Variants in PTPN21 observed in about 807,000 individuals in gnomAD.
The protein encoded by PTPN21 is tyrosine-protein phosphatase non-receptor type 21.
PTPN21 carries 77 observed loss-of-function variants against 131.8 expected under a neutral mutation model. The observed-to-expected ratio is 0.58, with a 90% CI of 0.49 to 0.71. The LOEUF (loss-of-function observed/expected upper bound fraction) is 0.71. Ranked by LOEUF, PTPN21 falls within the 30% of genes least tolerant of loss-of-function variation. The probability of loss-of-function intolerance (pLI) is 0.00; values close to 1 mark genes in which losing one functional copy is unlikely to be tolerated. For missense variants in PTPN21, 1,552 were observed against 1,527.1 expected, an observed-to-expected ratio of 1.02 and a Z score of -0.27; for synonymous variants, 715 against 621.3, an observed-to-expected ratio of 1.15 and a Z score of -2.24.
At chr14:88,487,658 A>C (rs2077758102) in intron 10 of PTPN21, among the ~76,000 whole-genome samples, 1 of 152,148 alleles carries the variant, frequency 6.6e-6, no homozygotes, top group South Asian at 2.1e-4. Context: ...TTAATGAAAA[A>C]TAAATGTCTC....
intron 13 of PTPN21, among the ~76,000 whole-genome samples, chr14:88,476,147 T>C (rs1221686236): frequency 6.6e-6 from 1 of 152,200 alleles, no homozygotes; most frequent in Admixed American, 6.5e-5. Context: ...CTACAGTTTA[T>C]TTCACTGTTT....
chr14:88,522,871 A>G (rs1047782488), intron 2 of PTPN21, among the ~76,000 whole-genome samples: 2 of 152,138 alleles, frequency 1.3e-5, no homozygotes, highest in Admixed American at 6.5e-5. Flanking sequence ...CTGTTTCTAA[A>G]ATAGGTAGGT....
intron 3 of PTPN21, among the ~76,000 whole-genome samples, chr14:88,514,312 T>C (rs1009567704): frequency 6.6e-6 from 1 of 152,156 alleles, no homozygotes; most frequent in Non-Finnish European, 1.5e-5. Context: ...ATTTAAATGG[T>C]TCTTTCATAT....
intron 6 of PTPN21, among the ~76,000 whole-genome samples, chr14:88,503,258 T>C (rs1446419210): frequency 2.6e-5 from 4 of 152,092 alleles, no homozygotes; most frequent in African/African-American, 9.7e-5. Flanking sequence ...ATGGTCTCGA[T>C]CTCCTGACCT....
At position 88,501,385 on chromosome 14, in the gene PTPN21, G is replaced by C. The variant is rs746858543; in HGVS notation, c.588-17C>G. 2.3e-5 allele frequency: 37 copies of C among 1,602,876 alleles called. No individual in the cohort carries two copies. The highest frequency in any genetic ancestry group is 1.3e-4 in the Admixed American group (8 of 59,836). On this transcript the variant is annotated splice_polypyrimidine_tract_variant and intron_variant, in intron 6 of 18. Coordinates refer to ENST00000556564, the MANE Select transcript of PTPN21 (RefSeq NM_007039.4). ...GTGAGCCCTCTGCAACCCAAAAGAA[G>C]CAAGATTGTTCACAAAGCAAGCTTA...
At chr14:88,506,745 T>C (rs2078096105) in intron 4 of PTPN21, among the ~76,000 whole-genome samples, 1 of 152,002 alleles carries the variant, frequency 6.6e-6, no homozygotes, top group East Asian at 1.9e-4. Context: ...CTAAAGAACT[T>C]ATTCATGTAA....
chr14:88,523,627 T>C (rs1306474996), intron 2 of PTPN21, among the ~76,000 whole-genome samples: 3 of 151,680 alleles, frequency 2.0e-5, no homozygotes, highest in African/African-American at 4.8e-5. Flanking sequence ...ATAAAAGACA[T>C]TTAAAGTGGA....
At chr14:88,473,272 A>C (rs1388180369) in intron 14 of PTPN21, among the ~76,000 whole-genome samples, 8 of 152,200 alleles carry the variant, frequency 5.3e-5, no homozygotes, top group Non-Finnish European at 1.0e-4. Context: ...GCACAAAGGA[A>C]GTTTTGAAAA....
At chr14:88,501,547 T>A (rs1014949977) in intron 6 of PTPN21, among the ~76,000 whole-genome samples, 179 bp from the exon 7 acceptor site, 1 of 152,214 alleles carries the variant, frequency 6.6e-6, no homozygotes, top group African/African-American at 2.4e-5. Context: ...ATGTGCTGAA[T>A]GCTGAGGGTA....
At chr14:88,506,239 C>T (rs2078085548) in intron 4 of PTPN21, among the ~76,000 whole-genome samples, 2 of 152,098 alleles carry the variant, frequency 1.3e-5, no homozygotes, top group South Asian at 4.2e-4. Flanking sequence ...ACTTGGGAGG[C>T]TCAGGTGGGA....
intron 6 of PTPN21, 138 bp from the exon 7 acceptor site, chr14:88,501,506 A>C: frequency 1.3e-6 from 1 of 741,084 alleles, no homozygotes; most frequent in African/African-American, 1.8e-5. Context: ...ATAATTGGCT[A>C]TATCAATCTT....
chr14:88,514,523 G>A (rs1184130359), intron 3 of PTPN21, among the ~76,000 whole-genome samples: 4 of 150,668 alleles, frequency 2.7e-5, no homozygotes, highest in South Asian at 4.2e-4. Context: ...GGAGTGCAGC[G>A]GTGCCATCTC....
intron 10 of PTPN21, among the ~76,000 whole-genome samples, chr14:88,488,323 C>T (rs2077767252): frequency 7.3e-6 from 1 of 136,678 alleles, no homozygotes; most frequent in South Asian, 2.5e-4. Flanking sequence ...GGCGCTCTTG[C>T]CGCAGCACCC....
At chr14:88,499,724 C>T (rs569265733) in intron 8 of PTPN21, among the ~76,000 whole-genome samples, 8 of 152,120 alleles carry the variant, frequency 5.3e-5, no homozygotes, top group African/African-American at 1.9e-4. Flanking sequence ...CACAAAGGAA[C>T]CAAAAAACAG....
At chr14:88,498,649 T>TTTTTGCTGCAGGTA (rs1449492697) in intron 8 of PTPN21, among the ~76,000 whole-genome samples, 6 of 152,114 alleles carry the variant, frequency 3.9e-5, no homozygotes, top group Admixed American at 6.5e-5. Context: ...AACAAGAACT[T>TTTTTGCTGCAGGTA]TTAAGTGCTG....
intron 8 of PTPN21, among the ~76,000 whole-genome samples, chr14:88,498,650 T>A (rs964112368): frequency 1.3e-5 from 2 of 152,144 alleles, no homozygotes; most frequent in African/African-American, 4.8e-5. Flanking sequence ...ACAAGAACTT[T>A]TAAGTGCTGC....
At position 88,511,247 on chromosome 14, in the gene PTPN21, T is replaced by C. The variant is rs143474551; in HGVS notation, c.351-3227A>G. On this transcript the variant is annotated intron_variant, in intron 3 of 18. Transcript: ENST00000556564. ...ACGTTTTTCTTAAAGAAGTATTTAC[T>C]GTAGGAGCAGATGGCCAAGAAATTA... Among the ~76,000 whole-genome samples, 941 of 152,236 alleles carry C rather than the reference T, an allele frequency of 6.2e-3. 6 individuals are homozygous for C. Among genetic ancestry groups the C allele is most frequent in the African/African-American group, 0.021 (855 of 41,534 alleles).
In PTPN21 at chr14:88,550,536, C is replaced by T. The variant is rs1422958940; in HGVS notation, c.-119G>A. ...GATGGGACGAACACTGTCCGGCCTC[C>T]AGCTGCTCACCCAGCAGCCGCTGCC... On this transcript the variant is annotated 5_prime_UTR_variant, in exon 2 of 19. Coordinates refer to ENST00000556564, the MANE Select transcript of PTPN21 (RefSeq NM_007039.4). 2.0e-6 allele frequency: 2 copies of T among 981,014 alleles called. No homozygotes were observed. The highest frequency in any genetic ancestry group is 2.9e-6 in the Non-Finnish European group (2 of 679,024). The allele number at this position is 981,014 out of a possible 1,614,324, so 60.8% of individuals were successfully genotyped here.
intron 7 of PTPN21, 161 bp from the exon 8 acceptor site, chr14:88,501,032 G>C: frequency 1.6e-6 from 1 of 643,972 alleles, no homozygotes; most frequent in Non-Finnish European, 2.7e-6. Context: ...GATCTTATAG[G>C]TAAGTATAAA....
Sources: allele counts gnomAD v4.1 joint callset (sites outside exome capture counted in the v4.1 genomes callset), GRCh38; gene constraint gnomAD v4.1.1; transcripts MANE v1.5; gene names NCBI Gene and HGNC (gene_info 2026-07-23, HGNC 2026-07-21).